The following MEGF6 variants were observed in gnomAD, a reference collection of about 807,000 sequenced individuals.
The protein encoded by MEGF6 is multiple epidermal growth factor-like domains protein 6.
MEGF6 carries 184 observed loss-of-function variants against 207.1 expected under a neutral mutation model. The observed-to-expected ratio is 0.89, with a 90% CI of 0.79 to 1.00. The LOEUF is 1.00. MEGF6 is among the 50% of genes least tolerant of loss of function. The pLI is 0.00. For missense variants in MEGF6, 2,282 were observed against 2,202.9 expected (o/e 1.04, Z -0.72); for synonymous variants, 1,038 against 910.0 (o/e 1.14, Z -2.53).
chr1:3,617,573 G>T, the MEGF6 span, among the ~76,000 whole-genome samples: 1 of 152,128 alleles, frequency 6.6e-6, no homozygotes, highest in South Asian at 2.1e-4. Flanking sequence ...AAACCACCAC[G>T]GCACACATTT....
chr1:3,503,919 T>A (rs1478591480), intron 17 of MEGF6, among the ~76,000 whole-genome samples: 1 of 152,134 alleles, frequency 6.6e-6, no homozygotes, highest in African/African-American at 2.4e-5. Flanking sequence ...CCAGTCCAGG[T>A]CAGGAGTCTT....
intron 28 of MEGF6, 34 bp downstream of exon 28, chr1:3,496,954 G>T: frequency 6.5e-7 from 1 of 1,544,570 alleles, no homozygotes. Context: ...AGGCAGCACT[G>T]CCGAGTCCCT....
At chr1:3,554,271 C>G (rs2101606984) in intron 4 of MEGF6, among the ~76,000 whole-genome samples, 1 of 152,280 alleles carries the variant, frequency 6.6e-6, no homozygotes, top group South Asian at 2.1e-4. Flanking sequence ...CTGGGAGCAT[C>G]AACCAGCGCC....
intron 4 of MEGF6, among the ~76,000 whole-genome samples, chr1:3,540,677 C>T (rs377751304): frequency 4.6e-5 from 7 of 152,222 alleles, no homozygotes; most frequent in Non-Finnish European, 8.8e-5. Context: ...GCACGGCAGA[C>T]CAGCCCTCTG....
upstream of MEGF6, among the ~76,000 whole-genome samples, chr1:3,613,351 G>A (rs1644351901): frequency 6.6e-6 from 1 of 152,204 alleles, no homozygotes; most frequent in African/African-American, 2.4e-5. Context: ...CCTGTCCTCG[G>A]GTGGAGGTGC....
chr1:3,607,354 G>A (rs2821020), intron 1 of MEGF6, among the ~76,000 whole-genome samples: 143,065 of 152,074 alleles, frequency 0.94, 67,445 homozygotes, highest in East Asian at 0.98. Context: ...CCCCAAGGAC[G>A]GAGGGCCCTT....
chr1:3,533,239 G>A (rs1642229941), intron 4 of MEGF6, among the ~76,000 whole-genome samples: 1 of 152,192 alleles, frequency 6.6e-6, no homozygotes, highest in Non-Finnish European at 1.5e-5. Context: ...GCCCCGTCCT[G>A]TCTGCCATCC....
chr1:3,544,787 C>T (rs2101541756), intron 4 of MEGF6, among the ~76,000 whole-genome samples: 1 of 152,264 alleles, frequency 6.6e-6, no homozygotes, highest in South Asian at 2.1e-4. Flanking sequence ...AGTGGGGTTT[C>T]AGACCCCACG....
intron 4 of MEGF6, among the ~76,000 whole-genome samples, chr1:3,578,899 C>T (rs1409190381): frequency 2.6e-5 from 4 of 151,000 alleles, no homozygotes; most frequent in African/African-American, 9.9e-5. Context: ...AGCCCGGCCC[C>T]CAGCGCAACG....
At chr1:3,514,877 G>T (rs947348) in intron 6 of MEGF6, among the ~76,000 whole-genome samples, 2 of 152,194 alleles carry the variant, frequency 1.3e-5, no homozygotes, top group South Asian at 2.1e-4. Flanking sequence ...CTCAGGACGC[G>T]GCCAGCCAGC....
rs766232075 is a variant in MEGF6, at chr1:3,511,634, G to A, written c.1030C>T (p.His344Tyr). The A allele has an allele frequency of 6.2e-7, 1 of 1,611,898 alleles. No individual in the cohort carries two copies. The highest frequency in any genetic ancestry group is 2.2e-5 in the East Asian group (1 of 44,860). The change falls in exon 9 of 37, where the codon CAT becomes TAT. Residue 344 changes from histidine to tyrosine, a missense_variant. Coordinates refer to ENST00000356575, the MANE Select transcript of MEGF6 (RefSeq NM_001409.4). ...CCAGCACTGGTGTGGCTGCAGCCAT[G>A]GGAGCAGCCGCCGTTGTTGGCCTCA... Reference protein sequence around the residue: ...SCEANNGGCSHGCSHTSAGPL... With the variant: ...SCEANNGGCSYGCSHTSAGPL...
At chr1:3,506,359 A>T (rs1367542678) in intron 14 of MEGF6, 123 bp from the exon 15 acceptor site, 6 of 1,244,980 alleles carry the variant, frequency 4.8e-6, no homozygotes, top group Non-Finnish European at 6.6e-6. Context: ...AGCCCCCGCC[A>T]GGGCACTAGG....
chr1:3,568,904 C>T (rs1643423208), intron 4 of MEGF6, among the ~76,000 whole-genome samples: 1 of 152,202 alleles, frequency 6.6e-6, no homozygotes. Context: ...CTCCATGCAG[C>T]TTGGCCTAGC....
intron 4 of MEGF6, among the ~76,000 whole-genome samples, chr1:3,571,348 C>T (rs150973933): frequency 8.5e-5 from 13 of 152,166 alleles, no homozygotes; most frequent in Admixed American, 3.9e-4. Flanking sequence ...TCTCAGAGGA[C>T]TCCCACCCCC....
rs536550464 is a variant in MEGF6, at chr1:3,489,501, C to T, written c.*1027G>A. On this transcript the variant is annotated 3_prime_UTR_variant, in exon 37 of 37. Coordinates refer to ENST00000356575, the MANE Select transcript of MEGF6 (RefSeq NM_001409.4). ...GGCCCTTCTTCCAGGAGAAGTCAGC[C>T]TCAGCCCATGAGTGCCAGGTGCTCG... is the stretch of plus-strand genomic sequence containing the variant. 1.2e-3 allele frequency among the ~76,000 whole-genome samples: 190 copies of T among 152,312 alleles called. 1 individual carries two copies. Among genetic ancestry groups the T allele is most frequent in the South Asian group, 6.6e-3 (32 of 4,830 alleles).
At chr1:3,510,638 ACCAACAC>A in intron 10 of MEGF6, 138 bp downstream of exon 10, 1 of 1,203,980 alleles carries the variant, frequency 8.3e-7, no homozygotes, top group Non-Finnish European at 1.1e-6. Context: ...CAGGCGCTCA[ACCAACAC>A]CCACAGCCCC....
At chr1:3,490,667 C>A in intron 36 of MEGF6, 78 bp from the exon 37 acceptor site, 2 of 1,474,228 alleles carry the variant, frequency 1.4e-6, no homozygotes, top group Non-Finnish European at 1.9e-6. Context: ...GGGTTGGCAC[C>A]TCTCCCTCCC....
Position 3,525,868 on chromosome 1 carries a change from C to T in MEGF6, c.482-1622G>A, listed in dbSNP as rs1016391254. ...CATGCCACCCTCCAGGCCCCCCTCGCCAAGCTGGGCCTCGGGGGAATCCAG... is the reference window on the plus strand; with the variant it reads ...CATGCCACCCTCCAGGCCCCCCTCGTCAAGCTGGGCCTCGGGGGAATCCAG... On this transcript the variant is annotated intron_variant, in intron 4 of 36. Transcript: ENST00000356575. Among the ~76,000 whole-genome samples the T allele has an allele frequency of 2.6e-5, 4 of 152,230 alleles. No individual in the cohort carries two copies. The East Asian group carries it at 7.7e-4, about 29-fold the overall frequency.
At chr1:3,571,359 G>A (rs555639572) in intron 4 of MEGF6, among the ~76,000 whole-genome samples, 5 of 152,180 alleles carry the variant, frequency 3.3e-5, no homozygotes, top group South Asian at 4.2e-4. Context: ...TCCCACCCCC[G>A]AGCACAGAGA....
Sources: gnomAD v4.1 joint callset for allele counts (sites outside exome capture counted in the v4.1 genomes callset) on GRCh38, gnomAD v4.1.1 for gene constraint, MANE v1.5 for transcripts, NCBI Gene and HGNC (gene_info 2026-07-23, HGNC 2026-07-21) for gene names.